Variants in SLC6A2 observed in about 807,000 individuals in gnomAD.
SLC6A2 encodes sodium-dependent noradrenaline transporter.
In SLC6A2, 26 loss-of-function variants were observed where a neutral mutation model predicts 71.7. That is an observed-to-expected ratio of 0.36 (90% confidence interval 0.27 to 0.50). The LOEUF (loss-of-function observed/expected upper bound fraction) is 0.50, where lower values mean the gene tolerates loss of function less well. Among genes scored for constraint, SLC6A2 ranks in the 20% least tolerant of loss-of-function variants. The pLI is 0.96. For synonymous variants in SLC6A2, 363 were observed against 337.9 expected, an observed-to-expected ratio of 1.07 and a Z score of -0.82; for missense variants, 581 against 803.9, an observed-to-expected ratio of 0.72 and a Z score of 3.35.
chr16:55,691,230 GGAGAGAGAGAGAGA>G (rs56308124), intron 5 of SLC6A2, among the ~76,000 whole-genome samples: 1,660 of 46,446 alleles, frequency 0.036, 68 homozygotes, highest in African/African-American at 0.043. Context: ...GGGGAGAGGG[GGAGAGAGAGAGAGA>G]GAGAGAGAGA....
intron 4 of SLC6A2, among the ~76,000 whole-genome samples, chr16:55,672,910 A>G (rs1347822714): frequency 6.6e-6 from 1 of 152,236 alleles, no homozygotes; most frequent in Non-Finnish European, 1.5e-5. Flanking sequence ...AGTAGTAAAA[A>G]TAGTGCATAT....
intron 4 of SLC6A2, among the ~76,000 whole-genome samples, chr16:55,682,611 G>C (rs192148680): frequency 1.3e-5 from 2 of 152,286 alleles, no homozygotes; most frequent in East Asian, 3.9e-4. Flanking sequence ...CTCATCCTGG[G>C]AGACCCTTGT....
At position 55,683,612 on chromosome 16, in the gene SLC6A2, TCAAACAAA is replaced by T. The variant is rs55763616; in HGVS notation, c.645-1513_645-1506del. On this transcript the variant is annotated intron_variant, in intron 4 of 14. Transcript: ENST00000568943. ...TGGGCAACAGTAGTGAAACTCCGTC[TCAAACAAA>T]CAAACAAACAAACAAACGAAACAAA... Among the ~76,000 whole-genome samples the T allele has an allele frequency of 1.2e-4, 18 of 150,784 alleles. No individual in the cohort carries two copies. The Middle Eastern group carries it at 0.01, about 86-fold the overall frequency.
At chr16:55,678,250 C>T (rs1965158250) in intron 4 of SLC6A2, among the ~76,000 whole-genome samples, 1 of 151,958 alleles carries the variant, frequency 6.6e-6, no homozygotes, top group African/African-American at 2.4e-5. Context: ...CTTGCCCTTT[C>T]TGGCCTGGAG....
intron 2 of SLC6A2, among the ~76,000 whole-genome samples, chr16:55,662,061 C>G (rs546406552): frequency 7.2e-5 from 11 of 152,326 alleles, no homozygotes; most frequent in African/African-American, 2.6e-4. Flanking sequence ...TGGTGTGGCA[C>G]TCAGCTGACA....
rs769378838 is a variant in SLC6A2, at chr16:55,695,332, C to T, written c.1077C>T (p.Phe359=). 1.1e-5 allele frequency: 18 copies of T among 1,614,046 alleles called. No homozygotes were observed. The highest frequency in any genetic ancestry group is 5.3e-5 in the African/African-American group (4 of 74,930). The change falls in exon 8 of 15, where the codon TTC becomes TTT. Residue 359 remains phenylalanine, a synonymous_variant. Transcript: ENST00000568943. ...INCITSFVSG[F]AIFSILGYMA... ...GTATCACCAGCTTCGTCTCTGGGTT[C>T]GCCATCTTCTCCATCCTTGGTTACA...
chr16:55,704,440 T>A lies in SLC6A2; in HGVS notation c.*2094T>A, dbSNP rs1230329316. The stretch of plus-strand genomic sequence containing the variant: ...TCACCCCACCCAGGACTGTCATTTT[T>A]AAAAAACTCATTCAAACCGCAAAGG... On this transcript the variant is annotated 3_prime_UTR_variant, in exon 15 of 15. Coordinates refer to ENST00000568943, the MANE Select transcript of SLC6A2 (RefSeq NM_001172501.3). 2 of 152,208 alleles carry A rather than the reference T, an allele frequency of 1.3e-5. No homozygotes were observed. The highest frequency in any genetic ancestry group is 2.4e-5 in the African/African-American group (1 of 41,448). The allele number at this position is 152,208 out of a possible 1,614,324, so 9.4% of individuals were successfully genotyped here.
rs1966025206 is a variant in SLC6A2 at position 55,703,156 on chromosome 16, A to G, written c.*810A>G. Reference sequence around the variant, plus strand: ...GGCAAGCCACATCTACTGAGGCCTCATGCTGCTCTTGCTCTGTAAGACACG... The same window carrying G: ...GGCAAGCCACATCTACTGAGGCCTCGTGCTGCTCTTGCTCTGTAAGACACG... On this transcript the variant is annotated 3_prime_UTR_variant, in exon 15 of 15. Coordinates refer to ENST00000568943, the MANE Select transcript of SLC6A2 (RefSeq NM_001172501.3). 6.1e-6 allele frequency: 6 copies of G among 985,514 alleles called. No homozygotes were observed. The highest frequency in any genetic ancestry group is 6.0e-6 in the Non-Finnish European group (5 of 830,082). The allele number at this position is 985,514 out of a possible 1,614,324, so 61.0% of individuals were successfully genotyped here. A position where few individuals can be genotyped will look rare whatever the true frequency, so the allele number is the denominator to read the frequency against.
At position 55,703,263 on chromosome 16, in the gene SLC6A2, TCAC is replaced by T. The variant is rs540636734; in HGVS notation, c.*919_*921del. ...ACCAAGTGAGGCCTCATGTGTGTCT[TCAC>T]CGTGCTGTCCTCACAAGGCCAGGTG... On this transcript the variant is annotated 3_prime_UTR_variant, in exon 15 of 15. Coordinates refer to ENST00000568943, the MANE Select transcript of SLC6A2 (RefSeq NM_001172501.3). The T allele has an allele frequency of 2.0e-4, 195 of 985,470 alleles. 2 individuals carry two copies. In the South Asian group the frequency reaches 7.7e-3, roughly 39 times the overall value. The allele number at this position is 985,470 out of a possible 1,614,324, so 61.0% of individuals were successfully genotyped here.
Position 55,697,884 on chromosome 16 carries a change from T to C in SLC6A2, c.1261-13T>C. On this transcript the variant is annotated splice_polypyrimidine_tract_variant and intron_variant, in intron 9 of 14. Coordinates refer to ENST00000568943, the MANE Select transcript of SLC6A2 (RefSeq NM_001172501.3). The stretch of plus-strand genomic sequence containing the variant: ...CCTAATTCCTGCACCCCACCCCTCC[T>C]GGTTCCCTCCAGATGGGAGGCATGG... 1 of 1,613,908 alleles carries C rather than the reference T, an allele frequency of 6.2e-7. No individual in the cohort carries two copies. The highest frequency in any genetic ancestry group is 8.5e-7 in the Non-Finnish European group (1 of 1,179,972).
At chr16:55,701,756 G>A in intron 13 of SLC6A2, 107 bp from the exon 14 acceptor site, 1 of 816,380 alleles carries the variant, frequency 1.2e-6, no homozygotes, top group Non-Finnish European at 2.2e-6. Context: ...ATCCATGTGG[G>A]GCTGCAGGAT....
At chr16:55,698,123 G>C in intron 10 of SLC6A2, 98 bp downstream of exon 10, 2 of 1,332,618 alleles carry the variant, frequency 1.5e-6, no homozygotes, top group Non-Finnish European at 2.2e-6. Flanking sequence ...CTGAGCTCAG[G>C]GAGAACAATG....
chr16:55,662,309 G>A (rs140923276), intron 2 of SLC6A2, among the ~76,000 whole-genome samples: 1 of 152,198 alleles, frequency 6.6e-6, no homozygotes, highest in African/African-American at 2.4e-5. Context: ...GCTTTCATTA[G>A]CTGCATCCTT....
intron 4 of SLC6A2, among the ~76,000 whole-genome samples, chr16:55,674,939 C>T (rs1301132553): frequency 6.6e-6 from 1 of 152,222 alleles, no homozygotes; most frequent in African/African-American, 2.4e-5. Context: ...CTGCTTTCCA[C>T]ATTGGCTTAA....
intron 4 of SLC6A2, among the ~76,000 whole-genome samples, chr16:55,677,329 C>T (rs1246451289): frequency 6.6e-6 from 1 of 152,178 alleles, no homozygotes; most frequent in Non-Finnish European, 1.5e-5. Flanking sequence ...CCCTCTCCCC[C>T]TCATCCTCCC....
chr16:55,688,694 G>A (rs529710766), intron 5 of SLC6A2, among the ~76,000 whole-genome samples: 8 of 152,258 alleles, frequency 5.3e-5, no homozygotes, highest in African/African-American at 1.7e-4. Flanking sequence ...TTTCTGACAA[G>A]CACCTAGGTG....
intron 7 of SLC6A2, 42 bp from the exon 8 acceptor site, chr16:55,695,236 A>AGGGTG: frequency 6.2e-7 from 1 of 1,613,024 alleles, no homozygotes; most frequent in Non-Finnish European, 8.5e-7. Context: ...CACAGGGTTG[A>AGGGTG]GGGTGTCAAG....
chr16:55,674,612 A>C lies in SLC6A2; in HGVS notation c.644+2437A>C, dbSNP rs1965026332. 2.0e-5 allele frequency among the ~76,000 whole-genome samples: 3 copies of C among 151,954 alleles called. 1 individual carries two copies. The South Asian group carries it at 6.2e-4, about 32-fold the overall frequency. The stretch of plus-strand genomic sequence containing the variant: ...GCTAATTTTTGAATTTTTAGTAGAG[A>C]CAGGGTTTCACCATGTTGGCTAGGC... On this transcript the variant is annotated intron_variant, in intron 4 of 14. Transcript: ENST00000568943.
At chr16:55,676,153 T>C (rs1965079313) in intron 4 of SLC6A2, among the ~76,000 whole-genome samples, 1 of 152,212 alleles carries the variant, frequency 6.6e-6, no homozygotes, top group Admixed American at 6.5e-5. Flanking sequence ...AGAATTTTTC[T>C]TGGAGAGGGT....
Sources: allele counts gnomAD v4.1 joint callset (sites outside exome capture counted in the v4.1 genomes callset), GRCh38; gene constraint gnomAD v4.1.1; transcripts MANE v1.5; gene names NCBI Gene and HGNC (gene_info 2026-07-23, HGNC 2026-07-21).